The following CDH1 variants were observed in gnomAD, a reference collection of about 807,000 sequenced individuals.
CDH1 encodes cadherin-1.
In CDH1, 35 loss-of-function variants were observed where a neutral mutation model predicts 84.5. That is an observed-to-expected ratio of 0.41 (90% CI 0.32 to 0.55). The LOEUF (loss-of-function observed/expected upper bound fraction) is 0.55. Ranked by LOEUF, CDH1 falls within the 20% of genes least tolerant of loss-of-function variation. CDH1 has a pLI of 0.19. For synonymous variants in CDH1, 417 were observed against 439.0 expected (o/e 0.95, Z 0.63); for missense variants, 994 against 1,126.6 (o/e 0.88, Z 1.68).
At chr16:68,793,930 C>CAAAA (rs35590027) in intron 2 of CDH1, among the ~76,000 whole-genome samples, 1 of 86,472 alleles carries the variant, frequency 1.2e-5, no homozygotes, top group Non-Finnish European at 2.4e-5. Flanking sequence ...GACTCTGTCT[C>CAAAA]AAAAAAAAAA....
intron 2 of CDH1, among the ~76,000 whole-genome samples, chr16:68,747,785 A>G (rs1283815406): frequency 5.3e-5 from 8 of 151,824 alleles, no homozygotes; most frequent in Non-Finnish European, 7.4e-5. Flanking sequence ...TCTTCCTTAG[A>G]CCGAATCTTG....
At chr16:68,748,854 T>G (rs564827555) in intron 2 of CDH1, among the ~76,000 whole-genome samples, 1 of 152,382 alleles carries the variant, frequency 6.6e-6, no homozygotes, top group East Asian at 1.9e-4. Context: ...TTGTTTTTGT[T>G]TTGAGACGGA....
intron 2 of CDH1, among the ~76,000 whole-genome samples, chr16:68,783,653 T>A (rs910631138): frequency 2.0e-5 from 3 of 152,106 alleles, no homozygotes; most frequent in Non-Finnish European, 4.4e-5. Flanking sequence ...TGATTCTTTT[T>A]TAAACAGCTC....
chr16:68,778,796 G>A (rs1322369212), intron 2 of CDH1, among the ~76,000 whole-genome samples: 1 of 152,194 alleles, frequency 6.6e-6, no homozygotes, highest in Non-Finnish European at 1.5e-5. Flanking sequence ...AAGGGAAAGA[G>A]TATTTAACGC....
At chr16:68,791,660 G>T (rs912406900) in intron 2 of CDH1, among the ~76,000 whole-genome samples, 1 of 152,144 alleles carries the variant, frequency 6.6e-6, no homozygotes, top group Admixed American at 6.6e-5. Context: ...GGGCCCAAGT[G>T]ATCCTCTCAC....
intron 2 of CDH1, among the ~76,000 whole-genome samples, chr16:68,768,721 G>A (rs74362960): frequency 2.4e-3 from 365 of 152,244 alleles, no homozygotes; most frequent in Middle Eastern, 6.8e-3. Context: ...TAAATTGTGT[G>A]TAAAGTCACT....
rs1005743424 is a variant in CDH1 at position 68,738,428 on chromosome 16, G to A, written c.163+17G>A. On this transcript the variant is annotated intron_variant, in intron 2 of 15. Transcript: ENST00000261769. ...TGGGCAGAGGTGAGGGCGCGCTGCC[G>A]GTGTCCCTGGGCGGAGTAGGGAGGG... 3 of 1,505,696 alleles carry A rather than the reference G, an allele frequency of 2.0e-6. No individual in the cohort carries two copies. Among genetic ancestry groups the A allele is most frequent in the Non-Finnish European group, 2.7e-6 (3 of 1,107,630 alleles). The allele number at this position is 1,505,696 out of a possible 1,614,324, so 93.3% of individuals were successfully genotyped here. A position where few individuals can be genotyped will look rare whatever the true frequency, so the allele number is the denominator to read the frequency against.
Position 68,813,481 on chromosome 16 carries a change from T to A in CDH1, c.1306T>A (p.Leu436Met), listed in dbSNP as rs1555515917. 6 of 1,614,196 alleles carry A rather than the reference T, an allele frequency of 3.7e-6. No homozygotes were observed. The highest frequency in any genetic ancestry group is 5.1e-6 in the Non-Finnish European group (6 of 1,180,024). ...AAATCCAGTGAACAACGATGGCATTTTGAAAACAGCAAAGGTTTGTATGGT... is the reference window on the plus strand; with the variant it reads ...AAATCCAGTGAACAACGATGGCATTATGAAAACAGCAAAGGTTTGTATGGT... The part of the protein sequence containing the change: ...TTNPVNNDGI[L>M]KTAKGLDFEA... The change falls in exon 9 of 16, where the codon TTG becomes ATG. Residue 436 changes from leucine to methionine, a missense_variant. Coordinates refer to ENST00000261769, the MANE Select transcript of CDH1 (RefSeq NM_004360.5).
intron 2 of CDH1, among the ~76,000 whole-genome samples, chr16:68,760,361 C>A (rs563908791): frequency 4.0e-5 from 6 of 150,946 alleles, no homozygotes; most frequent in African/African-American, 4.9e-5. Flanking sequence ...GATCCTCCCC[C>A]ACTCAGCCTC....
Position 68,829,636 on chromosome 16 carries a change from A to C in CDH1, c.2296-18A>C, listed in dbSNP as rs750381383. ...TCTTTCCTACTCTTCATTGTACTTC[A>C]ACCTTTTTTCTCCAAAGGACTTTGA... On this transcript the variant is annotated intron_variant, in intron 14 of 15. Transcript: ENST00000261769. 8 of 1,613,772 alleles carry C rather than the reference A, an allele frequency of 5.0e-6. No homozygotes were observed. Among genetic ancestry groups the C allele is most frequent in the Non-Finnish European group, 6.8e-6 (8 of 1,179,776 alleles).
Position 68,828,301 on chromosome 16 carries a change from C to T in CDH1, c.2292C>T (p.Asp764=), listed in dbSNP as rs61747636. Residue 764 remains aspartate (D), a synonymous_variant, in exon 14 of 16, where the codon GAC becomes GAT. Transcript: ENST00000261769. ...YYDEEGGGEE[D]QDFDLSQLHR... ...ATGAAGAAGGAGGCGGAGAAGAGGA[C>T]CAGGTGGGTTTTGAAAACCTTGGTA... 2.6e-3 allele frequency: 4,180 copies of T among 1,613,944 alleles called. 9 individuals carry two copies. Among genetic ancestry groups the T allele is most frequent in the South Asian group, 3.4e-3 (310 of 91,076 alleles).
rs535188817 is a variant in CDH1 at position 68,792,834 on chromosome 16, C to T, written c.164-8836C>T. On this transcript the variant is annotated intron_variant, in intron 2 of 15. Transcript: ENST00000261769. ...TCAATGTCACTGTTTTCTCTCTCCA[C>T]CCCCGTCTGCTTTGATGGGGACAGA... is the stretch of plus-strand genomic sequence containing the variant. Among the ~76,000 whole-genome samples the T allele has an allele frequency of 3.9e-5, 6 of 152,310 alleles. 1 individual carries two copies. The South Asian group carries it at 1.0e-3, about 26-fold the overall frequency.
At chr16:68,748,187 A>C (rs1459526655) in intron 2 of CDH1, among the ~76,000 whole-genome samples, 1 of 141,440 alleles carries the variant, frequency 7.1e-6, no homozygotes, top group East Asian at 2.0e-4. Flanking sequence ...ATCTCGGCTC[A>C]CCGCAACCTC....
At chr16:68,758,681 CGGGT>C (rs1470186565) in intron 2 of CDH1, among the ~76,000 whole-genome samples, 1 of 101,846 alleles carries the variant, frequency 9.8e-6, no homozygotes, top group Non-Finnish European at 1.9e-5. Context: ...GGGCGGGGGG[CGGGT>C]AGTGTAAGTG....
intron 15 of CDH1, among the ~76,000 whole-genome samples, chr16:68,830,097 G>GCCGGGT (rs1567516425): frequency 7.9e-5 from 12 of 151,726 alleles, no homozygotes; most frequent in African/African-American, 2.7e-4. Flanking sequence ...TGGGATTACA[G>GCCGGGT]GCATGCACCA....
At chr16:68,828,057 C>A in intron 13 of CDH1, 117 bp from the exon 14 acceptor site, 1 of 1,082,612 alleles carries the variant, frequency 9.2e-7, no homozygotes, top group Non-Finnish European at 1.4e-6. Flanking sequence ...TTGAAGGCAG[C>A]TAGTGGCTGT....
At chr16:68,759,207 G>A (rs1285200773) in intron 2 of CDH1, among the ~76,000 whole-genome samples, 2 of 151,834 alleles carry the variant, frequency 1.3e-5, no homozygotes, top group East Asian at 2.0e-4. Flanking sequence ...CCGACAAGTG[G>A]TGGGATTACA....
Position 68,811,849 on chromosome 16 carries a change from T to A in CDH1, c.998T>A (p.Leu333Gln), listed in dbSNP as rs752916727. ...GTCATCAGTGTGGTCACCACTGGGC[T>A]GGACCGAGAGGTCAGGGGTCAGGAG... is the stretch of plus-strand genomic sequence containing the variant. ...TGVISVVTTG[L>Q]DRESFPTYTL... Residue 333 changes from leucine to glutamine, a missense_variant, in exon 7 of 16, where the codon CTG becomes CAG. Transcript: ENST00000261769. 1 of 1,614,148 alleles carries A rather than the reference T, an allele frequency of 6.2e-7. No homozygotes were observed. Among genetic ancestry groups the A allele is most frequent in the Non-Finnish European group, 8.5e-7 (1 of 1,179,996 alleles).
At chr16:68,747,825 G>T (rs1028935794) in intron 2 of CDH1, among the ~76,000 whole-genome samples, 1 of 151,008 alleles carries the variant, frequency 6.6e-6, no homozygotes, top group African/African-American at 2.4e-5. Flanking sequence ...GTGCAGAGGC[G>T]CAATCTCAGC....
Sources: allele counts gnomAD v4.1 joint callset (sites outside exome capture counted in the v4.1 genomes callset), GRCh38; gene constraint gnomAD v4.1.1; transcripts MANE v1.5; gene names NCBI Gene and HGNC (gene_info 2026-07-23, HGNC 2026-07-21).